The following BOC variants were observed in gnomAD, a reference collection of about 807,000 sequenced individuals.
BOC encodes brother of CDO.
BOC carries 76 observed loss-of-function variants against 112.0 expected under a neutral mutation model. The observed-to-expected ratio is 0.68, with a 90% CI of 0.56 to 0.82. The LOEUF (loss-of-function observed/expected upper bound fraction) is 0.82, where lower values mean the gene tolerates loss of function less well. BOC is among the 40% of genes least tolerant of loss of function. BOC has a pLI of 0.00. For missense variants in BOC, 1,309 were observed against 1,511.7 expected, an observed-to-expected ratio of 0.87 and a Z score of 2.22; for synonymous variants, 580 against 599.8, an observed-to-expected ratio of 0.97 and a Z score of 0.48.
At chr3:113,254,936 C>T (rs1576426195) in intron 4 of BOC, among the ~76,000 whole-genome samples, 3 of 152,218 alleles carry the variant, frequency 2.0e-5, no homozygotes, top group African/African-American at 4.8e-5. Flanking sequence ...TTTTGATTTT[C>T]GGTAAAATGG....
intron 2 of BOC, among the ~76,000 whole-genome samples, chr3:113,237,893 C>A (rs1174848893): frequency 6.6e-6 from 1 of 152,180 alleles, no homozygotes; most frequent in Non-Finnish European, 1.5e-5. Context: ...GAAAAAGCAC[C>A]TATGATGTGC....
rs142023541 is a variant in BOC at position 113,225,555 on chromosome 3, G to C, written c.-82+9281G>C. The stretch of plus-strand genomic sequence containing the variant: ...ACCAGTGACTCACTAAGAGTGCTGG[G>C]CTGCCATTCAGTGGCTCTGCCTACC... On this transcript the variant is annotated intron_variant, in intron 2 of 19. Coordinates refer to ENST00000682979, the MANE Select transcript of BOC (RefSeq NM_001378074.1). Among the ~76,000 whole-genome samples, 45 of 152,342 alleles carry C rather than the reference G, an allele frequency of 3.0e-4. No individual in the cohort carries two copies. In the East Asian group the frequency reaches 6.2e-3, roughly 21 times the overall value.
At chr3:113,235,677 A>C (rs1477368896) in intron 2 of BOC, among the ~76,000 whole-genome samples, 1 of 152,204 alleles carries the variant, frequency 6.6e-6, no homozygotes, top group Non-Finnish European at 1.5e-5. Context: ...AGACATTAGG[A>C]ACTACATCTT....
intron 1 of BOC, among the ~76,000 whole-genome samples, chr3:113,213,924 G>A (rs529302441): frequency 6.6e-5 from 10 of 152,314 alleles, no homozygotes; most frequent in Admixed American, 1.3e-4. Context: ...GGGCCTTGAG[G>A]AGGCTGGAGG....
rs1458149145 is a variant in BOC, at chr3:113,286,805, G to T, written c.3291G>T (p.Gln1097His). ...ACGTAGGACAGGAACCTGGAATGCA[G>T]CTCTCCCCGGGGCCACTGGTGCGTG... is the stretch of plus-strand genomic sequence containing the variant. Reference protein sequence around the residue: ...GAYVGQEPGMQLSPGPLVRVS... With the variant: ...GAYVGQEPGMHLSPGPLVRVS... The change falls in exon 20 of 20, where the codon CAG (glutamine) becomes CAT (histidine). Residue 1097 changes from glutamine (Q) to histidine (H), a missense_variant. Coordinates refer to ENST00000682979, the MANE Select transcript of BOC (RefSeq NM_001378074.1). 3 of 1,612,380 alleles carry T rather than the reference G, an allele frequency of 1.9e-6. No individual in the cohort carries two copies. The highest frequency in any genetic ancestry group is 2.5e-6 in the Non-Finnish European group (3 of 1,179,352).
chr3:113,278,178 C>T lies in BOC; in HGVS notation c.1626C>T (p.Pro542=), dbSNP rs764762676. 6 of 1,614,082 alleles carry T rather than the reference C, an allele frequency of 3.7e-6. No individual in the cohort carries two copies. Among genetic ancestry groups the T allele is most frequent in the East Asian group, 2.2e-5 (1 of 44,902 alleles). The change falls in exon 10 of 20, where the codon CCC becomes CCT. Residue 542 remains proline (P), a synonymous_variant. Coordinates refer to ENST00000682979, the MANE Select transcript of BOC (RefSeq NM_001378074.1). This position sits in a 1 kb window ranked among gnomAD's most constrained non-coding sequence, Gnocchi z 4.2. ...QHRLTLTRLD[P]GSLYEVEMAA... is the part of the protein sequence containing the mutation. ...GCCTGACCCTCACCAGACTTGACCC[C>T]GGGAGCTTGTATGAAGTGGAGATGG...
At chr3:113,232,631 G>T (rs1942808182) in intron 2 of BOC, among the ~76,000 whole-genome samples, 1 of 152,064 alleles carries the variant, frequency 6.6e-6, no homozygotes, top group Non-Finnish European at 1.5e-5. Context: ...GGTGGAGAAT[G>T]CACATGTCCA....
At chr3:113,285,182 A>G (rs182265710) in intron 18 of BOC, among the ~76,000 whole-genome samples, 190 bp from the exon 19 acceptor site, 6 of 152,368 alleles carry the variant, frequency 3.9e-5, no homozygotes, top group Admixed American at 1.3e-4. Flanking sequence ...GTAAAATGGA[A>G]ATGGACTAGA....
chr3:113,253,376 G>A (rs1366273178), intron 4 of BOC, among the ~76,000 whole-genome samples: 1 of 151,778 alleles, frequency 6.6e-6, no homozygotes, highest in East Asian at 1.9e-4. Context: ...GATCATTTGA[G>A]GTTGGGATTT....
chr3:113,269,166 A>G (rs1370493088), intron 5 of BOC, among the ~76,000 whole-genome samples: 2 of 152,210 alleles, frequency 1.3e-5, no homozygotes, highest in Non-Finnish European at 2.9e-5. Context: ...GCTCTTCCCC[A>G]TGCAGCAGAG....
chr3:113,273,031 G>T, intron 7 of BOC, 38 bp from the exon 8 acceptor site: 1 of 1,570,708 alleles, frequency 6.4e-7, no homozygotes, highest in South Asian at 1.2e-5. Flanking sequence ...GGGACAGAAA[G>T]ACACAGCCCT....
At chr3:113,217,049 G>T (rs1209569881) in intron 2 of BOC, among the ~76,000 whole-genome samples, 2 of 152,240 alleles carry the variant, frequency 1.3e-5, no homozygotes, top group Non-Finnish European at 2.9e-5. Flanking sequence ...GGTGGAGGTT[G>T]GCGCCTTCAT....
intron 2 of BOC, among the ~76,000 whole-genome samples, chr3:113,235,920 TG>T (rs1219250228): frequency 6.6e-6 from 1 of 152,114 alleles, no homozygotes; most frequent in Non-Finnish European, 1.5e-5. Flanking sequence ...GTATTATGTC[TG>T]GCAAGGATGT....
rs898234921 is a variant in BOC at position 113,271,242 on chromosome 3, G to A, written c.667+298G>A. 8.1e-5 allele frequency: 46 copies of A among 566,724 alleles called. 1 individual carries two copies. Among genetic ancestry groups the A allele is most frequent in the Non-Finnish European group, 6.4e-5 (19 of 298,432 alleles). The allele number at this position is 566,724 out of a possible 1,614,324, so 35.1% of individuals were successfully genotyped here. The stretch of plus-strand genomic sequence containing the variant: ...TGGGATGGGTCAGAATGTGTGTGCT[G>A]GGACAGGACGGTGGGTCTTGTCTCA... On this transcript the variant is annotated intron_variant, in intron 6 of 19. Coordinates refer to ENST00000682979, the MANE Select transcript of BOC (RefSeq NM_001378074.1).
In BOC at chr3:113,274,228, G is replaced by A. The variant is rs1005871417; in HGVS notation, c.1235-147G>A. On this transcript the variant is annotated intron_variant, in intron 8 of 19. Coordinates refer to ENST00000682979, the MANE Select transcript of BOC (RefSeq NM_001378074.1). This position sits in a 1 kb window ranked among gnomAD's most constrained non-coding sequence, Gnocchi z 4.8. ...CCAGCGCTGTCTTCCACGGAGCCTG[G>A]CTGGGCAGCACAGAGTGGGTGGCGG... The A allele has an allele frequency of 4.4e-6, 3 of 683,082 alleles. No homozygotes were observed. The highest frequency in any genetic ancestry group is 3.5e-5 in the Admixed American group (1 of 28,224). 42.3% of individuals were successfully genotyped at this position (683,082 alleles called of 1,614,324 possible). A position where few individuals can be genotyped will look rare whatever the true frequency, so the allele number is the denominator to read the frequency against.
At chr3:113,233,294 A>C (rs894156146) in intron 2 of BOC, among the ~76,000 whole-genome samples, 4 of 152,012 alleles carry the variant, frequency 2.6e-5, no homozygotes, top group African/African-American at 9.7e-5. Flanking sequence ...AGTCCGGGTC[A>C]CAGCACCTGA....
intron 2 of BOC, among the ~76,000 whole-genome samples, chr3:113,230,817 T>C (rs746389414): frequency 1.3e-5 from 2 of 152,206 alleles, no homozygotes; most frequent in African/African-American, 2.4e-5. Context: ...AAAAAGGCAA[T>C]CTTTAAATGT....
chr3:113,271,176 A>C (rs1428942167), intron 6 of BOC: 3 of 690,390 alleles, frequency 4.3e-6, no homozygotes, highest in Non-Finnish European at 7.9e-6. Context: ...CTGCTGCCAC[A>C]CCTGCCTGAT....
intron 1 of BOC, among the ~76,000 whole-genome samples, chr3:113,214,788 T>C (rs12636333): frequency 0.024 from 3,675 of 152,334 alleles, 99 homozygotes; most frequent in African/African-American, 0.059. Context: ...ATCTCCATAC[T>C]TCAATTCAGC....
Sources: allele counts gnomAD v4.1 joint callset (sites outside exome capture counted in the v4.1 genomes callset), GRCh38; gene constraint gnomAD v4.1.1; non-coding constraint Gnocchi (gnomAD v3.1); transcripts MANE v1.5; gene names NCBI Gene and HGNC (gene_info 2026-07-23, HGNC 2026-07-21).